Variants in MAX observed in about 807,000 individuals in gnomAD.
MAX encodes the protein protein max.
In MAX, 3 loss-of-function variants were observed where a neutral mutation model predicts 22.3. The observed-to-expected ratio is 0.13, with a 90% CI of 0.06 to 0.35. MAX has a LOEUF of 0.35. MAX is among the 10% of genes least tolerant of loss of function. The pLI is 1.00. For synonymous variants in MAX, 72 were observed against 77.7 expected, an observed-to-expected ratio of 0.93 and a Z score of 0.39; for missense variants, 119 against 209.4, an observed-to-expected ratio of 0.57 and a Z score of 2.66.
In MAX at chr14:65,044,557, G is replaced by C; in HGVS notation, c.172-38273C>G. 1 of 1,451,188 alleles carries C rather than the reference G, an allele frequency of 6.9e-7. No homozygotes were observed. Among genetic ancestry groups the C allele is most frequent in the East Asian group, 2.5e-5 (1 of 40,194 alleles). The allele number at this position is 1,451,188 out of a possible 1,614,324, so 89.9% of individuals were successfully genotyped here. The stretch of plus-strand genomic sequence containing the variant: ...GTTGAAATGAGCTCTGTCTATCCTG[G>C]ATTTTGAGTGCCCAGTGTGGAACCT... On this transcript the variant is annotated intron_variant, in intron 3 of 3. Transcript: ENST00000341653. The surrounding 1 kb of genome is among the most constrained non-coding windows in gnomAD (Gnocchi z 5.5).
At position 65,102,273 on chromosome 14, in the gene MAX, C is replaced by T. The variant is rs1484780278; in HGVS notation, c.36+31G>A. 23 of 1,613,288 alleles carry T rather than the reference C, an allele frequency of 1.4e-5. No individual in the cohort carries two copies. In the East Asian group the frequency reaches 4.0e-4, roughly 28 times the overall value. On this transcript the variant is annotated intron_variant, in intron 1 of 4. Coordinates refer to ENST00000358664, the MANE Select transcript of MAX (RefSeq NM_002382.5). ...CGGCCGCTGTCCCCGCCTGACAACC[C>T]GCACGGGAAGGAAGAAGCCCCAGGA...
Position 65,102,371 on chromosome 14 carries a change from G to C in MAX, c.-32C>G. 1 of 1,612,156 alleles carries C rather than the reference G, an allele frequency of 6.2e-7. No individual in the cohort carries two copies. Among genetic ancestry groups the C allele is most frequent in the Non-Finnish European group, 8.5e-7 (1 of 1,179,194 alleles). ...CGGCCCAGGGAGCGGCCACTGCAGC[G>C]GCGGCGGGGAGGGGAAGGGGTGAAG... On this transcript the variant is annotated 5_prime_UTR_variant, in exon 1 of 5. Coordinates refer to ENST00000358664, the MANE Select transcript of MAX (RefSeq NM_002382.5).
At chr14:65,097,627 C>A (rs745438936) in intron 2 of MAX, among the ~76,000 whole-genome samples, 1 of 152,140 alleles carries the variant, frequency 6.6e-6, no homozygotes, top group African/African-American at 2.4e-5. Flanking sequence ...TAGAGGGAAG[C>A]TTGTGTTGCT....
intron 3 of MAX, among the ~76,000 whole-genome samples, chr14:65,033,953 T>A (rs186961754): frequency 3.3e-5 from 5 of 152,340 alleles, no homozygotes; most frequent in African/African-American, 1.2e-4. Context: ...TTTATTTTTA[T>A]CAAAGTAGTA....
chr14:65,088,231 G>A lies in MAX; in HGVS notation c.171+5477C>T, dbSNP rs545466410. Among the ~76,000 whole-genome samples the A allele has an allele frequency of 3.5e-4, 53 of 152,238 alleles. No homozygotes were observed. The highest frequency in any genetic ancestry group is 1.7e-3 in the Admixed American group (26 of 15,298). On this transcript the variant is annotated intron_variant, in intron 3 of 4. Transcript: ENST00000358664. This position sits in a 1 kb window ranked among gnomAD's most constrained non-coding sequence, Gnocchi z 5.2. ...GGAAGGTTAATGTCAGGAAGGAGGC[G>A]AAAAAGCAGGTAGGTAAGCTGGGTA...
chr14:65,006,256 G>A (rs2061588010), exon 4 of MAX: 1 of 1,612,982 alleles, frequency 6.2e-7, no homozygotes, highest in African/African-American at 1.3e-5. Context: ...AGGAAAGACA[G>A]GTGGGAGGGT....
chr14:65,096,521 C>T (rs1214919631), intron 2 of MAX, among the ~76,000 whole-genome samples: 3 of 152,104 alleles, frequency 2.0e-5, no homozygotes, highest in Non-Finnish European at 4.4e-5. Context: ...AGACCAATAA[C>T]ACTGCCCGCG....
Position 65,044,511 on chromosome 14 carries a change from C to G in MAX, c.172-38227G>C. 2 of 1,551,108 alleles carry G rather than the reference C, an allele frequency of 1.3e-6. No homozygotes were observed. Among genetic ancestry groups the G allele is most frequent in the Non-Finnish European group, 1.7e-6 (2 of 1,154,170 alleles). On this transcript the variant is annotated intron_variant, in intron 3 of 3. Coordinates refer to the MAX transcript ENST00000341653. The surrounding 1 kb of genome is among the most constrained non-coding windows in gnomAD (Gnocchi z 5.5). ...TCCACTACTCACAAAGTCTGGAAGC[C>G]CAGCGTGCTTTTTTAGAGGGGTTGA...
chr14:65,071,607 T>C (rs1041858134), downstream of MAX, among the ~76,000 whole-genome samples: 6 of 152,246 alleles, frequency 3.9e-5, no homozygotes, highest in Admixed American at 1.3e-4. This position sits in a 1 kb window ranked among gnomAD's most constrained non-coding sequence, Gnocchi z 4.2. Context: ...GGTGCTATTA[T>C]TGTCCTCACA....
At chr14:65,092,567 A>C (rs1375467302) in intron 3 of MAX, among the ~76,000 whole-genome samples, 1 of 152,204 alleles carries the variant, frequency 6.6e-6, no homozygotes, top group Non-Finnish European at 1.5e-5. Context: ...TAAGGTCATT[A>C]AATCAAGTCC....
intron 2 of MAX, among the ~76,000 whole-genome samples, chr14:65,099,280 T>A (rs1359141046): frequency 6.6e-6 from 1 of 152,056 alleles, no homozygotes; most frequent in African/African-American, 2.4e-5. Context: ...TATTTAGAAA[T>A]ATCAACAAAT....
chr14:65,101,309 C>A (rs1418398148), intron 2 of MAX, among the ~76,000 whole-genome samples: 6 of 152,186 alleles, frequency 3.9e-5, no homozygotes, highest in Non-Finnish European at 5.9e-5. Flanking sequence ...CAATTCAATT[C>A]TTTGCATACA....
chr14:65,022,637 G>A (rs986000063), intron 3 of MAX, among the ~76,000 whole-genome samples: 2 of 151,444 alleles, frequency 1.3e-5, no homozygotes, highest in African/African-American at 2.4e-5. Flanking sequence ...AAAGTCTAGG[G>A]ATTACAGGCA....
At chr14:65,045,136 A>G (rs902925916) in intron 3 of MAX, among the ~76,000 whole-genome samples, 1 of 151,978 alleles carries the variant, frequency 6.6e-6, no homozygotes, top group African/African-American at 2.4e-5. Context: ...TTCTCTCTCT[A>G]TCTCTTGAAA....
At chr14:65,024,259 T>A (rs2061940739) in intron 3 of MAX, among the ~76,000 whole-genome samples, 1 of 152,118 alleles carries the variant, frequency 6.6e-6, no homozygotes, top group Non-Finnish European at 1.5e-5. Flanking sequence ...TTAAAAAAAA[T>A]ACTGCCACCT....
At chr14:65,013,325 C>CT (rs11413261) in intron 3 of MAX, among the ~76,000 whole-genome samples, 82,252 of 146,664 alleles carry the variant, frequency 0.56, 23,348 homozygotes, top group African/African-American at 0.68. Context: ...TCTTTGTTTC[C>CT]TTTTTTTTTT....
chr14:65,053,871 G>T (rs902874367), intron 3 of MAX, among the ~76,000 whole-genome samples: 1 of 152,168 alleles, frequency 6.6e-6, no homozygotes, highest in Non-Finnish European at 1.5e-5. Flanking sequence ...TCCAGGGGAA[G>T]GCCTGGTCCC....
Position 65,054,450 on chromosome 14 carries a change from C to T in MAX, c.171+39258G>A. On this transcript the variant is annotated intron_variant, in intron 3 of 3. Coordinates refer to the MAX transcript ENST00000341653. This position sits in a 1 kb window ranked among gnomAD's most constrained non-coding sequence, Gnocchi z 4.4. Reference sequence around the variant, plus strand: ...AACACTGCTGGGAAAACCATGCCTCCTCTAGCCACATGGAGGATGGGGGGG... The same window carrying T: ...AACACTGCTGGGAAAACCATGCCTCTTCTAGCCACATGGAGGATGGGGGGG... 1.0e-6 allele frequency: 1 copy of T among 975,394 alleles called. No individual in the cohort carries two copies. The allele number at this position is 975,394 out of a possible 1,614,324, so 60.4% of individuals were successfully genotyped here.
chr14:65,102,691 G>A (rs939547741), upstream of MAX: 11 of 512,888 alleles, frequency 2.1e-5, no homozygotes, highest in African/African-American at 2.0e-4. Flanking sequence ...CGCCAGCCCG[G>A]CTTGTTGACG....
Sources: allele counts gnomAD v4.1 joint callset (sites outside exome capture counted in the v4.1 genomes callset), GRCh38; gene constraint gnomAD v4.1.1; non-coding constraint Gnocchi (gnomAD v3.1); transcripts MANE v1.5; gene names NCBI Gene and HGNC (gene_info 2026-07-23, HGNC 2026-07-21).